Variants in NCAM2 observed in about 807,000 individuals in gnomAD.
The protein encoded by NCAM2 is neural cell adhesion molecule 2, also known as N-CAM-2.
NCAM2 carries 30 observed loss-of-function variants against 98.1 expected under a neutral mutation model. The ratio of observed to expected loss-of-function variants is 0.31; its 90% CI spans 0.23 to 0.41. NCAM2 has a LOEUF of 0.41. Among genes scored for constraint, NCAM2 ranks in the 10% least tolerant of loss-of-function variants. The pLI, the probability that NCAM2 is intolerant of heterozygous loss-of-function variation, is 1.00. For synonymous variants in NCAM2, 368 were observed against 342.4 expected, an observed-to-expected ratio of 1.07 and a Z score of -0.83; for missense variants, 867 against 1,005.8, an observed-to-expected ratio of 0.86 and a Z score of 1.87.
intron 12 of NCAM2, among the ~76,000 whole-genome samples, chr21:21,447,440 G>GAAAACCCT (rs1488067371): frequency 6.6e-6 from 1 of 151,940 alleles, no homozygotes; most frequent in Non-Finnish European, 1.5e-5. Flanking sequence ...CCAAAACCAT[G>GAAAACCCT]AAAACCCTAG....
intron 8 of NCAM2, among the ~76,000 whole-genome samples, chr21:21,343,817 GACTGCA>G (rs1344071082): frequency 1.3e-5 from 2 of 152,106 alleles, no homozygotes; most frequent in African/African-American, 4.8e-5. Context: ...AGGCCATAAG[GACTGCA>G]ACTCTTAGGA....
intron 16 of NCAM2, among the ~76,000 whole-genome samples, chr21:21,516,329 A>T (rs1170846155): frequency 6.6e-6 from 1 of 152,288 alleles, no homozygotes; most frequent in South Asian, 2.1e-4. Context: ...TTAGTTTGGC[A>T]AATAATTATT....
chr21:21,452,756 T>A, intron 12 of NCAM2, among the ~76,000 whole-genome samples: 1 of 107,342 alleles, frequency 9.3e-6, no homozygotes, highest in East Asian at 2.7e-4. Flanking sequence ...ATATAATATA[T>A]TACTTTATGT....
chr21:21,412,672 C>T (rs1301613414), intron 10 of NCAM2, among the ~76,000 whole-genome samples: 3 of 152,138 alleles, frequency 2.0e-5, no homozygotes, highest in Non-Finnish European at 4.4e-5. Context: ...GACACACAGC[C>T]AGGTGATCTG....
intron 1 of NCAM2, among the ~76,000 whole-genome samples, chr21:21,014,626 C>G (rs1054290636): frequency 6.6e-6 from 1 of 152,168 alleles, no homozygotes; most frequent in Admixed American, 6.5e-5. Context: ...CAATCAAGAG[C>G]TGTCGTGGAG....
intron 1 of NCAM2, among the ~76,000 whole-genome samples, chr21:21,219,610 A>G (rs1257643195): frequency 1.3e-5 from 2 of 152,240 alleles, no homozygotes; most frequent in African/African-American, 4.8e-5. Context: ...TGAATACTGC[A>G]TAGTACTTGA....
intron 1 of NCAM2, among the ~76,000 whole-genome samples, chr21:21,061,391 G>A (rs2065318548): frequency 6.6e-6 from 1 of 152,232 alleles, no homozygotes; most frequent in South Asian, 2.1e-4. Flanking sequence ...GTTTGTTCCT[G>A]TTTTAATGAT....
intron 1 of NCAM2, among the ~76,000 whole-genome samples, chr21:21,080,803 C>T (rs781554974): frequency 3.9e-5 from 6 of 151,944 alleles, no homozygotes; most frequent in African/African-American, 7.3e-5. Flanking sequence ...GAGGCAGATT[C>T]ATACTGTCTT....
At position 21,514,485 on chromosome 21, in the gene NCAM2, A is replaced by C. The variant is rs1220048388; in HGVS notation, c.2282+5430A>C. Among the ~76,000 whole-genome samples, 28 of 151,378 alleles carry C rather than the reference A, an allele frequency of 1.8e-4. No homozygotes were observed. The East Asian group carries it at 2.5e-3, about 14-fold the overall frequency. ...TGTCTCAAAAAACAAAAAAAAAAAA[A>C]AAAAAAAAAAAATGTTTTCTCTGGT... On this transcript the variant is annotated intron_variant, in intron 16 of 17. Transcript: ENST00000400546.
At chr21:21,520,305 A>T (rs1320025580) in intron 16 of NCAM2, among the ~76,000 whole-genome samples, 5 of 152,156 alleles carry the variant, frequency 3.3e-5, no homozygotes, top group African/African-American at 1.2e-4. Flanking sequence ...AATAATTTTT[A>T]TAAATGTTAT....
intron 5 of NCAM2, among the ~76,000 whole-genome samples, chr21:21,304,309 G>A (rs1347486472): frequency 2.6e-5 from 3 of 115,370 alleles, no homozygotes; most frequent in Non-Finnish European, 5.5e-5. Context: ...TTGGCGAAAG[G>A]TTTTGTTTGG....
chr21:21,365,714 C>T (rs2075768867), intron 8 of NCAM2, among the ~76,000 whole-genome samples: 2 of 151,708 alleles, frequency 1.3e-5, no homozygotes, highest in Non-Finnish European at 2.9e-5. Context: ...AGGAGAGATG[C>T]CGATGATATA....
chr21:21,452,972 TATTATATATTATATATTATATTATATA>T (rs1981491387), intron 12 of NCAM2, among the ~76,000 whole-genome samples: 1 of 16,076 alleles, frequency 6.2e-5, no homozygotes, highest in Non-Finnish European at 1.9e-4. Context: ...TATTATATAT[TATTATATATTATATATTATATTATATA>T]ATATATAATA....
chr21:21,199,489 C>A (rs1601625889), intron 1 of NCAM2, among the ~76,000 whole-genome samples: 1 of 152,160 alleles, frequency 6.6e-6, no homozygotes, highest in Admixed American at 6.5e-5. Context: ...CCCAAGGGAG[C>A]AAGACATGGA....
At chr21:21,263,363 A>G (rs902068047) in intron 1 of NCAM2, among the ~76,000 whole-genome samples, 8 of 152,288 alleles carry the variant, frequency 5.3e-5, no homozygotes, top group South Asian at 2.1e-4. Flanking sequence ...GAAATTGTAG[A>G]TAATACAAAG....
chr21:21,343,835 A>G (rs999037293), intron 8 of NCAM2, among the ~76,000 whole-genome samples: 1 of 152,120 alleles, frequency 6.6e-6, no homozygotes, highest in Non-Finnish European at 1.5e-5. Flanking sequence ...CTCTTAGGAG[A>G]GTCCTAGCGC....
At chr21:21,379,665 C>T (rs2076109278) in intron 9 of NCAM2, among the ~76,000 whole-genome samples, 1 of 151,838 alleles carries the variant, frequency 6.6e-6, no homozygotes, top group Non-Finnish European at 1.5e-5. Flanking sequence ...TATATCCCAC[C>T]ATATTAACTA....
intron 16 of NCAM2, among the ~76,000 whole-genome samples, chr21:21,520,515 G>T (rs919248945): frequency 6.6e-6 from 1 of 152,196 alleles, no homozygotes; most frequent in East Asian, 1.9e-4. Context: ...GAAGAAATAT[G>T]TATGAAATAT....
chr21:21,367,021 G>A (rs530378431), intron 8 of NCAM2, among the ~76,000 whole-genome samples: 6 of 151,928 alleles, frequency 3.9e-5, no homozygotes, highest in Non-Finnish European at 8.8e-5. Flanking sequence ...ACATGGTATC[G>A]CTGTTCACAG....
Sources: allele counts gnomAD v4.1 joint callset (sites outside exome capture counted in the v4.1 genomes callset), GRCh38; gene constraint gnomAD v4.1.1; transcripts MANE v1.5; gene names NCBI Gene and HGNC (gene_info 2026-07-23, HGNC 2026-07-21).